Variants in VEPH1 observed in about 807,000 individuals in gnomAD.
VEPH1 encodes ventricular zone expressed PH domain containing 1, also known as ventricular zone-expressed PH domain-containing protein homolog 1.
VEPH1 carries 80 observed loss-of-function variants against 85.2 expected under a neutral mutation model. The observed-to-expected ratio is 0.94, with a 90% CI of 0.78 to 1.13. VEPH1 has a LOEUF of 1.13. Among genes scored for constraint, VEPH1 ranks in the 50% most tolerant of loss-of-function variants. The pLI is 0.00. For missense variants in VEPH1, 955 were observed against 980.5 expected, an observed-to-expected ratio of 0.97 and a Z score of 0.35; for synonymous variants, 297 against 348.0, an observed-to-expected ratio of 0.85 and a Z score of 1.63.
rs148427997 is a variant in VEPH1, at chr3:157,331,184, C to T, written c.1736-13983G>A. ...TCTGCAGGGCCATTGCTAACAGCCACACAGGCTTTCCACCACATGAGTCCA... is the reference window on the plus strand; with the variant it reads ...TCTGCAGGGCCATTGCTAACAGCCATACAGGCTTTCCACCACATGAGTCCA... On this transcript the variant is annotated intron_variant, in intron 9 of 13. Transcript: ENST00000362010. Among the ~76,000 whole-genome samples the T allele has an allele frequency of 1.5e-4, 23 of 152,312 alleles. No individual in the cohort carries two copies. In the East Asian group the frequency reaches 4.0e-3, roughly 27 times the overall value.
At chr3:157,343,389 C>T (rs902427434) in intron 9 of VEPH1, among the ~76,000 whole-genome samples, 1 of 152,176 alleles carries the variant, frequency 6.6e-6, no homozygotes, top group African/African-American at 2.4e-5. Flanking sequence ...TCAGAGAATA[C>T]TATAAACACC....
intron 13 of VEPH1, among the ~76,000 whole-genome samples, chr3:157,262,713 T>A (rs1052391865): frequency 2.0e-5 from 3 of 152,162 alleles, no homozygotes; most frequent in Non-Finnish European, 4.4e-5. Context: ...TCAACAGAAA[T>A]TACAGTCCGG....
At chr3:157,395,146 A>G (rs924521552) in intron 6 of VEPH1, among the ~76,000 whole-genome samples, 1 of 152,182 alleles carries the variant, frequency 6.6e-6, no homozygotes, top group Non-Finnish European at 1.5e-5. Context: ...AAGCAATGCT[A>G]TGTGTAATAC....
intron 2 of VEPH1, 120 bp downstream of exon 2, chr3:157,495,092 G>T: frequency 9.7e-7 from 1 of 1,029,070 alleles, no homozygotes; most frequent in Non-Finnish European, 1.4e-6. Flanking sequence ...GATTAAGAGA[G>T]ACCAATATTA....
intron 9 of VEPH1, among the ~76,000 whole-genome samples, chr3:157,331,601 G>A (rs1722511903): frequency 1.3e-5 from 2 of 152,162 alleles, no homozygotes; most frequent in Admixed American, 1.3e-4. Context: ...AGGACCGCAG[G>A]ACACCTCTGG....
At chr3:157,305,345 C>G (rs1380384177) in intron 11 of VEPH1, among the ~76,000 whole-genome samples, 2 of 151,760 alleles carry the variant, frequency 1.3e-5, no homozygotes, top group Non-Finnish European at 2.9e-5. Context: ...CTCCTGACCT[C>G]GTGATCCGCC....
At chr3:157,404,948 T>G (rs1731043660) in intron 6 of VEPH1, among the ~76,000 whole-genome samples, 1 of 152,186 alleles carries the variant, frequency 6.6e-6, no homozygotes, top group Admixed American at 6.5e-5. Context: ...TTCTGGTGAA[T>G]CTGAGATTTG....
chr3:157,444,748 T>G (rs1560068008), intron 4 of VEPH1, among the ~76,000 whole-genome samples: 4 of 152,254 alleles, frequency 2.6e-5, no homozygotes, highest in Admixed American at 2.0e-4. Flanking sequence ...CAAACTCATA[T>G]GCTGACAGAA....
intron 2 of VEPH1, among the ~76,000 whole-genome samples, chr3:157,492,064 T>A (rs571015414): frequency 6.6e-5 from 10 of 152,222 alleles, no homozygotes; most frequent in Admixed American, 5.9e-4. Context: ...GATTGTCCTT[T>A]GAGGATTAAA....
chr3:157,338,841 C>T (rs1723222677), intron 9 of VEPH1, among the ~76,000 whole-genome samples: 1 of 152,222 alleles, frequency 6.6e-6, no homozygotes, highest in South Asian at 2.1e-4. Flanking sequence ...AAGTCAGGTG[C>T]TGGGCAGACT....
chr3:157,265,590 T>G lies in VEPH1; in HGVS notation c.2201A>C (p.Lys734Thr), dbSNP rs1282821676. 1.2e-6 allele frequency: 2 copies of G among 1,613,830 alleles called. No individual in the cohort carries two copies. The highest frequency in any genetic ancestry group is 3.3e-5 in the Admixed American group (2 of 60,018). ...KEKQVRWKFI[K>T]RWKTRYFTLA... ...TGTAAAATAGCGTGTTTTCCACCTT[T>G]TGATGAACTTCCATCTGACTTGCTT... Residue 734 changes from lysine (K) to threonine (T), a missense_variant, in exon 13 of 14, where the codon AAA (lysine) becomes ACA (threonine). Coordinates refer to ENST00000362010, the MANE Select transcript of VEPH1 (RefSeq NM_001167912.2).
chr3:157,328,828 G>A (rs1722202717), intron 9 of VEPH1, among the ~76,000 whole-genome samples: 1 of 152,144 alleles, frequency 6.6e-6, no homozygotes, highest in Admixed American at 6.6e-5. Context: ...TTTAAGTACT[G>A]GGCAATGTTC....
chr3:157,439,643 TC>T (rs1733959671), intron 4 of VEPH1, among the ~76,000 whole-genome samples: 1 of 152,226 alleles, frequency 6.6e-6, no homozygotes, highest in East Asian at 1.9e-4. Context: ...AAGCTGAGTC[TC>T]TGAGATGCAA....
intron 11 of VEPH1, among the ~76,000 whole-genome samples, chr3:157,292,796 A>G (rs1717644122): frequency 7.1e-6 from 1 of 140,146 alleles, no homozygotes; most frequent in African/African-American, 2.7e-5. Context: ...AGATGATGAA[A>G]CCCCCTCTCT....
At chr3:157,323,350 G>A (rs1487864870) in intron 9 of VEPH1, among the ~76,000 whole-genome samples, 2 of 152,116 alleles carry the variant, frequency 1.3e-5, no homozygotes, top group Non-Finnish European at 2.9e-5. Flanking sequence ...TTCAGAGCTC[G>A]GTTCTGTAGA....
intron 7 of VEPH1, among the ~76,000 whole-genome samples, chr3:157,370,714 G>A (rs1267930839): frequency 1.3e-5 from 2 of 152,202 alleles, no homozygotes; most frequent in Non-Finnish European, 2.9e-5. Flanking sequence ...GGATCAGAAT[G>A]TGATCATGCC....
chr3:157,361,594 G>A lies in VEPH1; in HGVS notation c.1735+1770C>T, dbSNP rs949175709. On this transcript the variant is annotated intron_variant, in intron 9 of 13. Transcript: ENST00000362010. ...CTACAAGATGGCAGATCATGCCAGAGTGCTAGAACCATCACATAGATCTCA... is the reference window on the plus strand; with the variant it reads ...CTACAAGATGGCAGATCATGCCAGAATGCTAGAACCATCACATAGATCTCA... 2.6e-5 allele frequency among the ~76,000 whole-genome samples: 4 copies of A among 152,336 alleles called. No individual in the cohort carries two copies. In the East Asian group the frequency reaches 5.8e-4, roughly 22 times the overall value.
chr3:157,320,426 AC>A (rs1276591267), intron 9 of VEPH1, among the ~76,000 whole-genome samples: 1 of 152,106 alleles, frequency 6.6e-6, no homozygotes, highest in Non-Finnish European at 1.5e-5. Flanking sequence ...GGTGTAGAGA[AC>A]CCTGAAAGCA....
intron 3 of VEPH1, among the ~76,000 whole-genome samples, chr3:157,468,213 T>C (rs1736567528): frequency 6.6e-6 from 1 of 152,192 alleles, no homozygotes; most frequent in Admixed American, 6.5e-5. Flanking sequence ...GAAAACTTTA[T>C]CTGATTACTC....
Sources: gnomAD v4.1 joint callset for allele counts (sites outside exome capture counted in the v4.1 genomes callset) on GRCh38, gnomAD v4.1.1 for gene constraint, MANE v1.5 for transcripts, NCBI Gene and HGNC (gene_info 2026-07-23, HGNC 2026-07-21) for gene names.